PPFIA2: variants seen among roughly 807,000 people sequenced by gnomAD.
PPFIA2 encodes the protein PPFI scaffold protein A2, also known as liprin-alpha-2.
Under a neutral mutation model 175.5 loss-of-function variants are expected in PPFIA2, and 46 were observed. That is an observed-to-expected ratio of 0.26 (90% CI 0.21 to 0.34). The LOEUF is 0.34. Among genes scored for constraint, PPFIA2 ranks in the 10% least tolerant of loss-of-function variants. The pLI, the probability that PPFIA2 is intolerant of heterozygous loss-of-function variation, is 1.00. For missense variants in PPFIA2, 1,179 were observed against 1,506.1 expected, an observed-to-expected ratio of 0.78 and a Z score of 3.60; for synonymous variants, 568 against 511.4, an observed-to-expected ratio of 1.11 and a Z score of -1.49.
chr12:81,597,969 G>A (rs756191409), intron 4 of PPFIA2: 11 of 1,534,984 alleles, frequency 7.2e-6, no homozygotes, highest in African/African-American at 4.1e-5. Context: ...GTGTAAAACC[G>A]GGTCCCATTA....
At chr12:81,368,101 A>G (rs1433023545) in intron 13 of PPFIA2, 6 of 1,287,584 alleles carry the variant, frequency 4.7e-6, no homozygotes, top group Non-Finnish European at 5.1e-6. Flanking sequence ...TTTATACCCT[A>G]CCTTAATTTA....
chr12:81,642,696 ACATGTAT>A lies in PPFIA2; in HGVS notation c.303+34088_303+34094del, dbSNP rs779225566. Among the ~76,000 whole-genome samples the A allele has an allele frequency of 8.7e-4, 47 of 54,030 alleles. 9 individuals carry two copies. Among genetic ancestry groups the A allele is most frequent in the East Asian group, 3.5e-3 (9 of 2,546 alleles). The allele number at this position is 54,030 out of a possible 152,430, so 35.4% of individuals were successfully genotyped here. ...ACATGTATGTATCTATTATATACAT[ACATGTAT>A]ATGTATGTATGTATTATATACATAC... is the stretch of plus-strand genomic sequence containing the variant. On this transcript the variant is annotated intron_variant, in intron 4 of 32. Coordinates refer to ENST00000549396, the MANE Select transcript of PPFIA2 (RefSeq NM_003625.5).
At chr12:81,439,443 C>G (rs1213524740) in intron 7 of PPFIA2, among the ~76,000 whole-genome samples, 1 of 151,774 alleles carries the variant, frequency 6.6e-6, no homozygotes. Flanking sequence ...GTAAAATCTT[C>G]CGAAGATAAA....
chr12:81,447,933 CATT>C (rs2051626638), intron 5 of PPFIA2, among the ~76,000 whole-genome samples: 1 of 152,086 alleles, frequency 6.6e-6, no homozygotes, highest in African/African-American at 2.4e-5. Flanking sequence ...GGCTAATTAA[CATT>C]ATTATGTACA....
intron 4 of PPFIA2, among the ~76,000 whole-genome samples, chr12:81,599,371 T>C (rs2059571079): frequency 6.6e-6 from 1 of 152,010 alleles, no homozygotes; most frequent in African/African-American, 2.4e-5. Context: ...ATAACATCAA[T>C]GGAAAGGATG....
intron 9 of PPFIA2, among the ~76,000 whole-genome samples, chr12:81,380,860 A>G (rs2037484234): frequency 6.6e-6 from 1 of 152,088 alleles, no homozygotes. Flanking sequence ...CACCCGTAAT[A>G]GTTTTCACAT....
chr12:81,432,477 T>C (rs2048262589), intron 7 of PPFIA2, among the ~76,000 whole-genome samples: 1 of 151,528 alleles, frequency 6.6e-6, no homozygotes, highest in South Asian at 2.1e-4. Context: ...TTTTTTTTTT[T>C]TTTTTCAATA....
chr12:81,755,467 C>T (rs1242917453), intron 2 of PPFIA2, among the ~76,000 whole-genome samples: 1 of 152,092 alleles, frequency 6.6e-6, no homozygotes, highest in Non-Finnish European at 1.5e-5. Context: ...ATTTTTCTGC[C>T]TATACATTCC....
intron 3 of PPFIA2, among the ~76,000 whole-genome samples, chr12:81,722,213 C>T (rs75208651): frequency 0.019 from 2,912 of 151,018 alleles, 41 homozygotes; most frequent in South Asian, 0.042. Context: ...TCCCCAAGCC[C>T]CACGTTTCTC....
At chr12:81,428,328 G>A (rs1331842437) in intron 7 of PPFIA2, among the ~76,000 whole-genome samples, 1 of 151,936 alleles carries the variant, frequency 6.6e-6, no homozygotes, top group Admixed American at 6.6e-5. Context: ...ATACACAGTA[G>A]GTGACACTTT....
At chr12:81,302,577 A>G in intron 22 of PPFIA2, 1 of 306,244 alleles carries the variant, frequency 3.3e-6, no homozygotes, top group South Asian at 2.7e-5. Flanking sequence ...CAAAATCTCT[A>G]GCATCTGTCT....
intron 3 of PPFIA2, among the ~76,000 whole-genome samples, chr12:81,750,501 A>G (rs140232634): frequency 9.1e-4 from 97 of 106,818 alleles, no homozygotes; most frequent in African/African-American, 2.4e-3. Flanking sequence ...GAGGTAGATG[A>G]TGACTGGGTT....
At chr12:81,303,333 C>T (rs1164531471) in intron 22 of PPFIA2, among the ~76,000 whole-genome samples, 2 of 152,120 alleles carry the variant, frequency 1.3e-5, no homozygotes, top group Non-Finnish European at 2.9e-5. Context: ...AAGGATCACC[C>T]GTACATCACT....
At chr12:81,409,612 A>G (rs1244199155) in intron 7 of PPFIA2, among the ~76,000 whole-genome samples, 1 of 152,102 alleles carries the variant, frequency 6.6e-6, no homozygotes, top group African/African-American at 2.4e-5. Flanking sequence ...TGGACTTCCC[A>G]GCCTCCAGAA....
intron 4 of PPFIA2, among the ~76,000 whole-genome samples, chr12:81,584,934 A>AATATATTATATATTAATTATATTTAT (rs2075008947): frequency 1.8e-5 from 2 of 114,196 alleles, no homozygotes; most frequent in African/African-American, 6.8e-5. Context: ...ATTTATATAT[A>AATATATTATATATTAATTATATTTAT]ATATATTATA....
At chr12:81,630,893 ATATATATT>A (rs2063299804) in intron 4 of PPFIA2, among the ~76,000 whole-genome samples, 1 of 61,046 alleles carries the variant, frequency 1.6e-5, no homozygotes, top group East Asian at 3.7e-4. Flanking sequence ...ATATATATAT[ATATATATT>A]TTTTTTTTTT....
intron 3 of PPFIA2, among the ~76,000 whole-genome samples, chr12:81,706,208 C>T (rs1193416113): frequency 6.6e-6 from 1 of 152,054 alleles, no homozygotes; most frequent in African/African-American, 2.4e-5. Flanking sequence ...AAAATTCTTT[C>T]TAAAACAATA....
chr12:81,340,893 A>T (rs140572885), intron 20 of PPFIA2, among the ~76,000 whole-genome samples, 185 bp downstream of exon 20: 2 of 152,268 alleles, frequency 1.3e-5, no homozygotes, highest in African/African-American at 4.8e-5. Flanking sequence ...AGTTAACTTT[A>T]AAAATACAAA....
At chr12:81,422,624 A>G (rs2046474848) in intron 7 of PPFIA2, among the ~76,000 whole-genome samples, 1 of 152,114 alleles carries the variant, frequency 6.6e-6, no homozygotes, top group Admixed American at 6.6e-5. Context: ...GAGAGAGCTC[A>G]TACAGGAGCT....
Sources: allele counts gnomAD v4.1 joint callset (sites outside exome capture counted in the v4.1 genomes callset), GRCh38; gene constraint gnomAD v4.1.1; transcripts MANE v1.5; gene names NCBI Gene and HGNC (gene_info 2026-07-23, HGNC 2026-07-21).